ZBTB40: variants seen among roughly 807,000 people sequenced by gnomAD.
The protein encoded by ZBTB40 is zinc finger and BTB domain containing 40, also known as zinc finger and BTB domain-containing protein 40.
In ZBTB40, 60 loss-of-function variants were observed where a neutral mutation model predicts 117.5. That is an observed-to-expected ratio of 0.51 (90% CI 0.41 to 0.63). The LOEUF (loss-of-function observed/expected upper bound fraction) is 0.63, where lower values mean the gene tolerates loss of function less well. Ranked by LOEUF, ZBTB40 falls within the 30% of genes least tolerant of loss-of-function variation. ZBTB40 has a pLI of 0.00. For missense variants in ZBTB40, 1,287 were observed against 1,498.5 expected (o/e 0.86, Z 2.33); for synonymous variants, 525 against 577.1 (o/e 0.91, Z 1.29).
chr1:22,522,174 G>T (rs1454163928), intron 15 of ZBTB40, among the ~76,000 whole-genome samples: 2 of 152,114 alleles, frequency 1.3e-5, no homozygotes, highest in African/African-American at 4.8e-5. Context: ...ACATCCCTCT[G>T]AGCATCCAGG....
upstream of ZBTB40, among the ~76,000 whole-genome samples, chr1:22,450,713 G>A (rs981470599): frequency 2.0e-5 from 3 of 152,154 alleles, no homozygotes; most frequent in Admixed American, 1.3e-4. Flanking sequence ...ATGATCGACC[G>A]GGAGACAGCA....
intron 1 of ZBTB40, among the ~76,000 whole-genome samples, chr1:22,479,733 T>A (rs1284724110): frequency 6.6e-6 from 1 of 152,212 alleles, no homozygotes; most frequent in African/African-American, 2.4e-5. Context: ...CATGTTTGGC[T>A]CTCTCATTTA....
At chr1:22,480,611 A>G (rs1420064455) in intron 1 of ZBTB40, among the ~76,000 whole-genome samples, 1 of 151,780 alleles carries the variant, frequency 6.6e-6, no homozygotes, top group Non-Finnish European at 1.5e-5. Context: ...CGGCCTCCCA[A>G]AGTGCTGGGA....
rs759539870 is a variant in ZBTB40, at chr1:22,502,435, A to G, written c.1161A>G (p.Glu387=). 1.9e-6 allele frequency: 3 copies of G among 1,614,044 alleles called. No individual in the cohort carries two copies. The highest frequency in any genetic ancestry group is 2.5e-6 in the Non-Finnish European group (3 of 1,179,930). Residue 387 remains glutamate, a synonymous_variant, in exon 5 of 18, where the codon GAA becomes GAG. Coordinates refer to ENST00000375647, the MANE Select transcript of ZBTB40 (RefSeq NM_014870.4). The stretch of plus-strand genomic sequence containing the variant: ...AGGAGGAATTCCTGACTGGCACTGA[A>G]AAAAGGGTAACTGTGTCAAGTGTCT... The part of the protein sequence containing the change: ...TAKEEFLTGT[E]KRVILNCCEG...
upstream of ZBTB40, among the ~76,000 whole-genome samples, chr1:22,449,946 CTTTTT>C (rs35273875): frequency 1.4e-5 from 2 of 143,912 alleles, no homozygotes; most frequent in African/African-American, 5.1e-5. Context: ...AAATATTTCT[CTTTTT>C]TTTTTTTTTG....
upstream of ZBTB40, among the ~76,000 whole-genome samples, chr1:22,449,898 T>C (rs1016538718): frequency 1.3e-5 from 2 of 152,132 alleles, no homozygotes; most frequent in African/African-American, 4.8e-5. Context: ...TACAGCACAT[T>C]GGCAATGATA....
chr1:22,453,796 TC>T (rs1640940582), intron 1 of ZBTB40, among the ~76,000 whole-genome samples: 1 of 152,210 alleles, frequency 6.6e-6, no homozygotes, highest in African/African-American at 2.4e-5. Flanking sequence ...CTGTTTATTG[TC>T]TTTCCTACTA....
At position 22,526,772 on chromosome 1, in the gene ZBTB40, T is replaced by A; in HGVS notation, c.*376T>A. On this transcript the variant is annotated 3_prime_UTR_variant, in exon 18 of 18. Coordinates refer to ENST00000375647, the MANE Select transcript of ZBTB40 (RefSeq NM_014870.4). ...GGCATGATGTGCCGACAGCGCTCAG[T>A]GGGCAGAATGGCAGTTAGATATGGG... 3.1e-6 allele frequency: 1 copy of A among 322,748 alleles called. No individual in the cohort carries two copies. The highest frequency in any genetic ancestry group is 6.1e-6 in the Non-Finnish European group (1 of 164,110). 20.0% of individuals were successfully genotyped at this position (322,748 alleles called of 1,614,324 possible). A position where few individuals can be genotyped will look rare whatever the true frequency, so the allele number is the denominator to read the frequency against.
intron 2 of ZBTB40, 92 bp from the exon 3 acceptor site, chr1:22,491,308 A>G (rs1638624700): frequency 1.5e-6 from 2 of 1,317,724 alleles, no homozygotes; most frequent in Non-Finnish European, 2.2e-6. Context: ...TAAGTGCAGT[A>G]TATGACCTGA....
intron 3 of ZBTB40, among the ~76,000 whole-genome samples, chr1:22,494,251 G>A (rs1328808856): frequency 6.6e-6 from 1 of 152,128 alleles, no homozygotes; most frequent in African/African-American, 2.4e-5. Context: ...AATTTGTAAG[G>A]CATGCTTTCA....
At chr1:22,472,125 G>A (rs1641422017) in intron 1 of ZBTB40, among the ~76,000 whole-genome samples, 1 of 152,070 alleles carries the variant, frequency 6.6e-6, no homozygotes, top group African/African-American at 2.4e-5. Flanking sequence ...GGTACTTGTG[G>A]TAGGCCATTT....
In ZBTB40 at chr1:22,509,219, G is replaced by A. The variant is rs929268647; in HGVS notation, c.1819G>A (p.Glu607Lys). ...LFTSEEEHLA[E>K]TVKEILSIPS... ...TACCTCGGAGGAGGAGCACCTGGCA[G>A]AGACTGTGAAAGAGGTGTGGTGGGA... The change falls in exon 9 of 18, where the codon GAG becomes AAG. Residue 607 changes from glutamate to lysine, a missense_variant. By Grantham distance (56) the Glu-to-Lys change is moderately conservative. This residue lies in a region of ZBTB40 where 870 missense variants were observed against 934.4 expected (regional missense o/e 0.93). Transcript: ENST00000375647. 1.9e-6 allele frequency: 3 copies of A among 1,614,192 alleles called. No individual in the cohort carries two copies. Among genetic ancestry groups the A allele is most frequent in the South Asian group, 2.2e-5 (2 of 91,074 alleles).
At chr1:22,518,912 T>C (rs1052894781) in intron 13 of ZBTB40, among the ~76,000 whole-genome samples, 10 of 152,194 alleles carry the variant, frequency 6.6e-5, no homozygotes, top group East Asian at 1.9e-4. Flanking sequence ...GAAGACGTTA[T>C]TAACTTTCAG....
chr1:22,445,358 G>GGTA (rs1640775129), intron 1 of ZBTB40, among the ~76,000 whole-genome samples: 1 of 152,138 alleles, frequency 6.6e-6, no homozygotes, highest in African/African-American at 2.4e-5. Flanking sequence ...ATCTAAATCA[G>GGTA]GGGAAAAACT....
At chr1:22,472,753 G>A (rs2124406762) in intron 1 of ZBTB40, among the ~76,000 whole-genome samples, 1 of 152,314 alleles carries the variant, frequency 6.6e-6, no homozygotes, top group Admixed American at 6.5e-5. Flanking sequence ...GTCCTTCGAG[G>A]CTTAACTAGG....
chr1:22,433,432 CAAAAAAAAAA>C (rs767913519), intron 1 of ZBTB40, among the ~76,000 whole-genome samples: 198 of 8,786 alleles, frequency 0.023, 18 homozygotes, highest in Non-Finnish European at 0.048. Context: ...GACGCCCTCT[CAAAAAAAAAA>C]AAAAAAAAAA....
chr1:22,462,198 CT>C (rs983120764), intron 1 of ZBTB40, among the ~76,000 whole-genome samples: 1 of 152,192 alleles, frequency 6.6e-6, no homozygotes, highest in Non-Finnish European at 1.5e-5. Flanking sequence ...AACTTCACCA[CT>C]TTTTAAATTT....
intron 1 of ZBTB40, among the ~76,000 whole-genome samples, chr1:22,471,896 G>A (rs1034318727): frequency 3.3e-5 from 5 of 152,306 alleles, no homozygotes; most frequent in Non-Finnish European, 7.4e-5. Context: ...GTAAGCCACC[G>A]GCGAGGGGCT....
At chr1:22,506,749 G>A (rs940146536) in intron 6 of ZBTB40, among the ~76,000 whole-genome samples, 3 of 152,148 alleles carry the variant, frequency 2.0e-5, no homozygotes, top group South Asian at 2.1e-4. Context: ...CCCTGTCCCA[G>A]AGCATTTAGG....
Sources: gnomAD v4.1 joint callset for allele counts (sites outside exome capture counted in the v4.1 genomes callset) on GRCh38, gnomAD v4.1.1 for gene constraint, gnomAD v4.1.1 regional missense constraint, MANE v1.5 for transcripts, NCBI Gene and HGNC (gene_info 2026-07-23, HGNC 2026-07-21) for gene names.